The following POP1 variants were observed in gnomAD, a reference collection of about 807,000 sequenced individuals.
POP1 encodes the protein POP1 ribonuclease P/MRP subunit.
POP1 carries 75 observed loss-of-function variants against 102.2 expected under a neutral mutation model. The observed-to-expected ratio is 0.73, with a 90% CI of 0.61 to 0.89. The LOEUF (loss-of-function observed/expected upper bound fraction) is 0.89, where lower values mean the gene tolerates loss of function less well. POP1 is among the 40% of genes least tolerant of loss of function. POP1 has a pLI of 0.00. For missense variants in POP1, 1,116 were observed against 1,267.4 expected (o/e 0.88, Z 1.81); for synonymous variants, 436 against 464.1 (o/e 0.94, Z 0.78).
intron 2 of POP1, among the ~76,000 whole-genome samples, 168 bp downstream of exon 2, chr8:98,123,647 C>T (rs188504611): frequency 1.3e-3 from 192 of 152,110 alleles, no homozygotes; most frequent in African/African-American, 4.5e-3. Flanking sequence ...TGTGGTGGCG[C>T]GTGCCTGTAG....
chr8:98,122,978 C>T (rs912726353), intron 1 of POP1, among the ~76,000 whole-genome samples: 5 of 152,184 alleles, frequency 3.3e-5, no homozygotes, highest in East Asian at 1.9e-4. Flanking sequence ...GAAATGAAAG[C>T]GTCAGTAATT....
At chr8:98,127,026 G>A (rs946753076) in intron 2 of POP1, among the ~76,000 whole-genome samples, 18 of 152,132 alleles carry the variant, frequency 1.2e-4, no homozygotes, top group Non-Finnish European at 4.4e-5. Flanking sequence ...CCAAGATGAA[G>A]GAGCGGGCAG....
chr8:98,139,175 A>G (rs1342195023), intron 9 of POP1, among the ~76,000 whole-genome samples: 1 of 152,196 alleles, frequency 6.6e-6, no homozygotes, highest in African/African-American at 2.4e-5. Context: ...AGGATCCGTA[A>G]GTGCACATCC....
At chr8:98,142,233 G>A (rs1036430410) in intron 11 of POP1, among the ~76,000 whole-genome samples, 1 of 152,046 alleles carries the variant, frequency 6.6e-6, no homozygotes, top group African/African-American at 2.4e-5. Context: ...ATATGAATCA[G>A]CTCAAGGAAA....
chr8:98,158,365 A>C lies in POP1; in HGVS notation c.*94A>C. 3 of 1,360,688 alleles carry C rather than the reference A, an allele frequency of 2.2e-6. No homozygotes were observed. Among genetic ancestry groups the C allele is most frequent in the Non-Finnish European group, 2.1e-6 (2 of 965,944 alleles). The allele number at this position is 1,360,688 out of a possible 1,614,324, so 84.3% of individuals were successfully genotyped here. On this transcript the variant is annotated 3_prime_UTR_variant, in exon 16 of 16. Coordinates refer to ENST00000401707, the MANE Select transcript of POP1 (RefSeq NM_001145860.2). ...GAATCTGCTTCTGCTTTAAAATATCATGTGAAACTCCCTGGAAACAAGAAT... is the reference window on the plus strand; with the variant it reads ...GAATCTGCTTCTGCTTTAAAATATCCTGTGAAACTCCCTGGAAACAAGAAT...
intron 14 of POP1, among the ~76,000 whole-genome samples, chr8:98,154,516 AG>A (rs113289212): frequency 0.036 from 5,437 of 152,218 alleles, 259 homozygotes; most frequent in African/African-American, 0.11. Flanking sequence ...AGGTGTTGGC[AG>A]TGACCACACC....
At chr8:98,139,155 T>C (rs1296033501) in intron 9 of POP1, among the ~76,000 whole-genome samples, 5 of 152,120 alleles carry the variant, frequency 3.3e-5, no homozygotes, top group Non-Finnish European at 7.4e-5. Flanking sequence ...CCGGCCATGA[T>C]TGCTTCTTTA....
chr8:98,125,179 GTTTTTTT>G (rs748014497), intron 2 of POP1, among the ~76,000 whole-genome samples: 7 of 102,260 alleles, frequency 6.8e-5, no homozygotes, highest in African/African-American at 2.9e-4. Context: ...TTTACAGACA[GTTTTTTT>G]TTTTTTTTTT....
chr8:98,139,963 C>G (rs1816659778), intron 9 of POP1, 115 bp from the exon 10 acceptor site: 2 of 819,298 alleles, frequency 2.4e-6, no homozygotes, highest in Non-Finnish European at 4.2e-6. Context: ...CATCCCATAA[C>G]ACATACATTT....
chr8:98,130,198 G>C lies in POP1; in HGVS notation c.707G>C (p.Arg236Pro). 1 of 1,614,110 alleles carries C rather than the reference G, an allele frequency of 6.2e-7. No homozygotes were observed. Among genetic ancestry groups the C allele is most frequent in the South Asian group, 1.1e-5 (1 of 91,072 alleles). ...PTVKSHRACY[R>P]AMTNRCLLQD... ...GTCAAGAGCCACAGAGCCTGCTATC[G>C]AGCCATGACGAACCGGTGCCTCCTG... Residue 236 changes from arginine (R) to proline (P), a missense_variant, in exon 5 of 16, where the codon CGA (arginine) becomes CCA (proline). Transcript: ENST00000401707.
rs771134550 is a variant in POP1 at position 98,148,853 on chromosome 8, G to T, written c.1749G>T (p.Gly583=). The change falls in exon 13 of 16, where the codon GGG becomes GGT. Residue 583 remains glycine (G), a synonymous_variant. Coordinates refer to ENST00000401707, the MANE Select transcript of POP1 (RefSeq NM_001145860.2). ...NRMRSELLVP[G]SQLILGPHES... ...TGAGGAGTGAATTGCTGGTGCCTGGGTCACAGCTTATTTTAGGTCCCCATG... is the reference window on the plus strand; with the variant it reads ...TGAGGAGTGAATTGCTGGTGCCTGGTTCACAGCTTATTTTAGGTCCCCATG... The T allele has an allele frequency of 1.2e-6, 2 of 1,613,738 alleles. No homozygotes were observed. Among genetic ancestry groups the T allele is most frequent in the East Asian group, 4.5e-5 (2 of 44,874 alleles).
intron 15 of POP1, among the ~76,000 whole-genome samples, chr8:98,156,836 T>A (rs1260011894): frequency 8.6e-5 from 13 of 151,932 alleles, no homozygotes; most frequent in Non-Finnish European, 1.6e-4. Flanking sequence ...TATGTTCTCC[T>A]CTCAGTATTG....
chr8:98,144,390 C>T (rs1466173740), intron 11 of POP1, among the ~76,000 whole-genome samples: 8 of 151,998 alleles, frequency 5.3e-5, no homozygotes, highest in East Asian at 1.9e-4. Context: ...ATCCTCCCAC[C>T]GCAGCCCCCC....
intron 12 of POP1, among the ~76,000 whole-genome samples, chr8:98,147,931 T>G (rs1161688058): frequency 6.6e-6 from 1 of 152,164 alleles, no homozygotes; most frequent in East Asian, 1.9e-4. Flanking sequence ...CAGTAAATAT[T>G]TGAATGGCTG....
chr8:98,131,712 C>A (rs1276408297), intron 5 of POP1, among the ~76,000 whole-genome samples: 1 of 152,188 alleles, frequency 6.6e-6, no homozygotes, highest in African/African-American at 2.4e-5. Context: ...GCAACTGTAT[C>A]ATTTTACATT....
At chr8:98,151,036 A>G (rs938097466) in intron 14 of POP1, among the ~76,000 whole-genome samples, 9 of 152,244 alleles carry the variant, frequency 5.9e-5, no homozygotes, top group African/African-American at 1.4e-4. Context: ...ATGAAAATAT[A>G]TAAAAAGATA....
At position 98,159,294 on chromosome 8, in the gene POP1, C is replaced by CTAG. The variant is rs1365229446; in HGVS notation, c.*1025_*1026insGTA. On this transcript the variant is annotated 3_prime_UTR_variant, in exon 16 of 16. Coordinates refer to ENST00000401707, the MANE Select transcript of POP1 (RefSeq NM_001145860.2). ...GGCAGTGTGGCTGTGTAGTGCATAGCTACCTCTGCAAGGTGATAACTAAGC... is the reference window on the plus strand; with the variant it reads ...GGCAGTGTGGCTGTGTAGTGCATAGCTAGTACCTCTGCAAGGTGATAACTAAGC... 2.0e-5 allele frequency: 3 copies of CTAG among 152,208 alleles called. No individual in the cohort carries two copies. The highest frequency in any genetic ancestry group is 2.9e-5 in the Non-Finnish European group (2 of 68,052). The allele number at this position is 152,208 out of a possible 1,614,324, so 9.4% of individuals were successfully genotyped here.
At position 98,158,108 on chromosome 8, in the gene POP1, AT is replaced by A; in HGVS notation, c.2917del (p.Ser973ProfsTer15). On this transcript the variant is annotated frameshift_variant, in exon 16 of 16. Coordinates refer to ENST00000401707, the MANE Select transcript of POP1 (RefSeq NM_001145860.2). LOFTEE classifies it high-confidence loss of function. Reference protein sequence around the residue: ...RTLLGFVTQGDFSMAVGCGEA... With the variant: ...RTLLGFVTQGXFSMAVGCGEA... ...CTCCTAGGCTTTGTGACTCAGGGAG[AT>A]TTTTCCATGGCTGTTGGCTGTGGAG... 6.2e-7 allele frequency: 1 copy of A among 1,604,682 alleles called. No individual in the cohort carries two copies.
intron 9 of POP1, among the ~76,000 whole-genome samples, chr8:98,138,570 C>T (rs193299046): frequency 3.9e-5 from 6 of 152,298 alleles, no homozygotes; most frequent in Admixed American, 6.5e-5. Flanking sequence ...CTTGCAAATT[C>T]CCTCAATTTA....
Sources: gnomAD v4.1 joint callset for allele counts (sites outside exome capture counted in the v4.1 genomes callset) on GRCh38, gnomAD v4.1.1 for gene constraint, MANE v1.5 for transcripts, NCBI Gene and HGNC (gene_info 2026-07-23, HGNC 2026-07-21) for gene names.